The following DRP2 variants were observed in gnomAD, a reference collection of about 807,000 sequenced individuals.
The protein encoded by DRP2 is dystrophin-related protein 2.
DRP2 carries 29 observed loss-of-function variants against 78.2 expected under a neutral mutation model. The observed-to-expected ratio is 0.37, with a 90% CI of 0.28 to 0.51. DRP2 has a LOEUF of 0.51. Ranked by LOEUF, DRP2 falls within the 20% of genes least tolerant of loss-of-function variation. The pLI, the probability that DRP2 is intolerant of heterozygous loss-of-function variation, is 0.94. For missense variants in DRP2, 686 were observed against 770.6 expected, an observed-to-expected ratio of 0.89 and a Z score of 1.30; for synonymous variants, 290 against 281.9, an observed-to-expected ratio of 1.03 and a Z score of -0.29.
Position 101,260,079 on chromosome X carries a change from G to C in DRP2, c.2659G>C (p.Ala887Pro). 2.5e-6 allele frequency: 3 copies of C among 1,211,502 alleles called. No individual in the cohort carries two copies. The highest frequency in any genetic ancestry group is 3.5e-5 in the South Asian group (2 of 56,955). Residue 887 changes from alanine to proline, a missense_variant, in exon 23 of 24, where the codon GCA (alanine) becomes CCA (proline). This residue lies in a region of DRP2 where 423 missense variants were observed against 531.5 expected (regional missense o/e 0.80). Coordinates refer to ENST00000395209, the MANE Select transcript of DRP2 (RefSeq NM_001939.3). Reference sequence around the variant, plus strand: ...CACCGAATCAGATGGCAGTGGCTCTGCAGGCTCGTCCCTAGCTTCCTCTCC... The same window carrying C: ...CACCGAATCAGATGGCAGTGGCTCTCCAGGCTCGTCCCTAGCTTCCTCTCC... ...PPTESDGSGS[A>P]GSSLASSPQQ...
At chrX:101,247,304 C>A in intron 12 of DRP2, 140 bp downstream of exon 12, 1 of 513,219 alleles carries the variant, frequency 1.9e-6, no homozygotes, top group South Asian at 3.5e-5. Flanking sequence ...CTGCAATATG[C>A]TAGCTGTCAA....
Position 101,232,269 on chromosome X carries a change from T to C in DRP2, c.117+505T>C, listed in dbSNP as rs147213840. 2.8e-3 allele frequency among the ~76,000 whole-genome samples: 315 copies of C among 111,078 alleles called. 1 individual carries two copies. The highest frequency in any genetic ancestry group is 9.9e-3 in the African/African-American group (301 of 30,495). On this transcript the variant is annotated intron_variant, in intron 3 of 23. Transcript: ENST00000395209. ...CCTGTCCTCTCTGCTCCTGTAGTAG[T>C]GCGATGGTGGTGGTGTATGTGTCCG...
chrX:101,241,701 G>T lies in DRP2; in HGVS notation c.593G>T (p.Ser198Ile). 1.7e-6 allele frequency: 2 copies of T among 1,211,651 alleles called. No individual in the cohort carries two copies. The highest frequency in any genetic ancestry group is 2.2e-6 in the Non-Finnish European group (2 of 895,495). Residue 198 changes from serine to isoleucine, a missense_variant, in exon 7 of 24, where the codon AGC becomes ATC. Physicochemically the swap from Ser to Ile is moderately radical, Grantham distance 142. This residue lies in a region of DRP2 where 263 missense variants were observed against 239.1 expected (regional missense o/e 1.10). Transcript: ENST00000395209. ...CCGAAACAGCGGATCCAGAATCTCA[G>T]CCGCTTTGTATGGAAGCAGGCGACG... ...TSPKQRIQNLSRFVWKQATVA... is the reference protein window; with the variant it reads ...TSPKQRIQNLIRFVWKQATVA...
Position 101,247,084 on chromosome X carries a change from T to C in DRP2, c.1178-6T>C, listed in dbSNP as rs1922957332. 6 of 1,208,566 alleles carry C rather than the reference T, an allele frequency of 5.0e-6. No homozygotes were observed. Among genetic ancestry groups the C allele is most frequent in the Non-Finnish European group, 5.6e-6 (5 of 893,989 alleles). ...ATCTGAGTGGGTCTCTCTCCATTCTTTGCAGCTGATCTGAACAACATTAAG... is the reference window on the plus strand; with the variant it reads ...ATCTGAGTGGGTCTCTCTCCATTCTCTGCAGCTGATCTGAACAACATTAAG... On this transcript the variant is annotated splice_region_variant and splice_polypyrimidine_tract_variant and intron_variant, in intron 11 of 23. Coordinates refer to ENST00000395209, the MANE Select transcript of DRP2 (RefSeq NM_001939.3).
Position 101,231,491 on chromosome X carries a change from A to T in DRP2, c.-63-94A>T, listed in dbSNP as rs1009778101. The T allele has an allele frequency of 5.6e-6, 3 of 540,176 alleles. No individual in the cohort carries two copies. In the Admixed American group the frequency reaches 7.5e-5, roughly 13 times the overall value. 44.5% of individuals were successfully genotyped at this position (540,176 alleles called of 1,213,427 possible). Reference sequence around the variant, plus strand: ...GTAGGTCAGTAAGTTTTGAATACTTATTTGTATATCTGGTCAAGGCACCTC... The same window carrying T: ...GTAGGTCAGTAAGTTTTGAATACTTTTTTGTATATCTGGTCAAGGCACCTC... On this transcript the variant is annotated intron_variant, in intron 2 of 23. Transcript: ENST00000395209.
intron 3 of DRP2, among the ~76,000 whole-genome samples, chrX:101,235,014 C>G (rs1922444938): frequency 9.0e-6 from 1 of 111,016 alleles, no homozygotes; most frequent in African/African-American, 3.3e-5. Context: ...TTCCCTCTGC[C>G]TGCTCCTGCC....
intron 16 of DRP2, chrX:101,251,373 A>C: frequency 1.1e-5 from 2 of 181,488 alleles, no homozygotes; most frequent in Non-Finnish European, 1.0e-5. Flanking sequence ...ATGCCAGCAA[A>C]TGGTTCACAA....
At chrX:101,239,735 G>A (rs1265247716) in intron 6 of DRP2, among the ~76,000 whole-genome samples, 1 of 111,662 alleles carries the variant, frequency 9.0e-6, no homozygotes, top group African/African-American at 3.3e-5. Flanking sequence ...CTGCCACCAC[G>A]CCTGGCTAAT....
chrX:101,258,197 T>A, intron 21 of DRP2, 112 bp from the exon 22 acceptor site: 1 of 613,914 alleles, frequency 1.6e-6, no homozygotes, highest in Non-Finnish European at 2.5e-6. Flanking sequence ...GGGGGTGAGG[T>A]AGGGTGGAAG....
intron 3 of DRP2, among the ~76,000 whole-genome samples, chrX:101,233,908 T>C (rs1023390721): frequency 8.9e-6 from 1 of 112,000 alleles, no homozygotes; most frequent in Non-Finnish European, 1.9e-5. Context: ...CTGAGGGCTA[T>C]GGCTCTCCCT....
At chrX:101,233,768 AG>A (rs1922389169) in intron 3 of DRP2, among the ~76,000 whole-genome samples, 1 of 111,782 alleles carries the variant, frequency 8.9e-6, no homozygotes, top group Non-Finnish European at 1.9e-5. Context: ...AGGACACAGG[AG>A]CCTCCCTGGC....
At chrX:101,233,818 C>T (rs140796671) in intron 3 of DRP2, among the ~76,000 whole-genome samples, 1,306 of 111,771 alleles carry the variant, frequency 0.012, 22 homozygotes, top group African/African-American at 0.04. Flanking sequence ...CCCAGTGACC[C>T]CTTTCCCTCC....
intron 2 of DRP2, among the ~76,000 whole-genome samples, chrX:101,226,727 TTC>T (rs1922134410): frequency 9.0e-6 from 1 of 111,525 alleles, no homozygotes; most frequent in African/African-American, 3.3e-5. Context: ...TGTCAAAATC[TTC>T]TCTTTCACCT....
At chrX:101,246,945 A>G in intron 11 of DRP2, 145 bp from the exon 12 acceptor site, 1 of 433,244 alleles carries the variant, frequency 2.3e-6, no homozygotes, top group Non-Finnish European at 3.9e-6. Context: ...TTTCACTGGC[A>G]GTTCTCATTC....
chrX:101,248,649 T>A, intron 14 of DRP2, 50 bp downstream of exon 14: 1 of 1,089,907 alleles, frequency 9.2e-7, no homozygotes, highest in Non-Finnish European at 1.3e-6. Flanking sequence ...GGGAAAGGTG[T>A]TGCAGGGAGG....
At chrX:101,243,184 T>C (rs1481582882) in intron 9 of DRP2, 1 of 298,493 alleles carries the variant, frequency 3.4e-6, no homozygotes, top group Non-Finnish European at 5.8e-6. Flanking sequence ...CCCAACACTT[T>C]GGGAGGCTGA....
rs1923654450 is a variant in DRP2, at chrX:101,263,990, A to G, written c.*3369A>G. The G allele has an allele frequency of 8.9e-6, 1 of 112,085 alleles. No individual in the cohort carries two copies. The highest frequency in any genetic ancestry group is 3.8e-4 in the South Asian group (1 of 2,666). 9.2% of individuals were successfully genotyped at this position (112,085 alleles called of 1,213,427 possible). On this transcript the variant is annotated 3_prime_UTR_variant, in exon 24 of 24. Coordinates refer to ENST00000395209, the MANE Select transcript of DRP2 (RefSeq NM_001939.3). The stretch of plus-strand genomic sequence containing the variant: ...AAAATCCCATCCAATTTCCCTTCAC[A>G]TAGATGACAGAAAAGCAAGAAAGTA...
rs903238791 is a variant in DRP2, at chrX:101,254,747, T to C, written c.2115-112T>C. On this transcript the variant is annotated intron_variant, in intron 18 of 23. Transcript: ENST00000395209. ...GAAGTAGACTGGAATCCAGTCTTTG[T>C]ATTTTGTTCCCATCAGCTCTTGCCC... The C allele has an allele frequency of 6.5e-6, 7 of 1,084,166 alleles. No homozygotes were observed. The African/African-American group carries it at 7.3e-5, about 11-fold the overall frequency. The allele number at this position is 1,084,166 out of a possible 1,213,427, so 89.3% of individuals were successfully genotyped here.
chrX:101,253,254 C>T (rs5967279), intron 17 of DRP2, among the ~76,000 whole-genome samples: 39,977 of 109,961 alleles, frequency 0.36, 5,376 homozygotes, highest in Middle Eastern at 0.47. Context: ...CCAAACTCCA[C>T]TTGGTTTTCC....
Sources: allele counts gnomAD v4.1 joint callset (sites outside exome capture counted in the v4.1 genomes callset), GRCh38; gene constraint gnomAD v4.1.1; regional missense constraint gnomAD v4.1.1; transcripts MANE v1.5; gene names NCBI Gene and HGNC (gene_info 2026-07-23, HGNC 2026-07-21).